The following PC variants were observed in gnomAD, a reference collection of about 807,000 sequenced individuals.
PC encodes the protein pyruvate carboxylase, also known as pyruvate carboxylase, mitochondrial.
Under a neutral mutation model 107.8 loss-of-function variants are expected in PC, and 46 were observed. The observed-to-expected ratio is 0.43, with a 90% CI of 0.34 to 0.55. The LOEUF is 0.55. PC is among the 20% of genes least tolerant of loss of function. The pLI is 0.04. For synonymous variants in PC, 662 were observed against 684.7 expected (o/e 0.97, Z 0.52); for missense variants, 1,241 against 1,643.1 (o/e 0.76, Z 4.23).
chr11:66,849,805 G>A lies in PC; in HGVS notation c.2953C>T (p.Leu985=). ...TCCTTCTCCAGTGCCTGCAGATCCA[G>A]GGGAGGGAGGGAGGCTCCAGGCCGC... is the stretch of plus-strand genomic sequence containing the variant. ...EGRPGASLPP[L]DLQALEKELV... Residue 985 remains leucine (L), a synonymous_variant, in exon 21 of 23, where the codon CTG becomes TTG. Coordinates refer to ENST00000393960, the MANE Select transcript of PC (RefSeq NM_001040716.2). The A allele has an allele frequency of 3.1e-6, 5 of 1,614,042 alleles. No individual in the cohort carries two copies. The highest frequency in any genetic ancestry group is 4.2e-6 in the Non-Finnish European group (5 of 1,180,020).
In PC at chr11:66,852,756, C is replaced by T; in HGVS notation, c.1594G>A (p.Val532Met). The change falls in exon 14 of 23, where the codon GTG becomes ATG. Residue 532 changes from valine (V) to methionine (M), a missense_variant. By Grantham distance (21) the Val-to-Met change is conservative. This residue lies in a region of PC where 1,143 missense variants were observed against 1,551.9 expected (regional missense o/e 0.74). Transcript: ENST00000393960. This position sits in a 1 kb window ranked among gnomAD's most constrained non-coding sequence, Gnocchi z 4.7. ...PSPTDPVVPA[V>M]PIGPPPAGFR... is the part of the protein sequence containing the mutation. ...AATGGATCTCACCTACCTATGGGCA[C>T]TGCAGGGACAACGGGGTCCGTGGGG... 1 of 1,607,798 alleles carries T rather than the reference C, an allele frequency of 6.2e-7. No individual in the cohort carries two copies. The highest frequency in any genetic ancestry group is 1.1e-5 in the South Asian group (1 of 90,682).
At chr11:66,855,237 C>A (rs1033885097) in intron 12 of PC, among the ~76,000 whole-genome samples, 2 of 152,216 alleles carry the variant, frequency 1.3e-5, no homozygotes, top group African/African-American at 4.8e-5. Context: ...GGGGCAGGAA[C>A]CAGGCCCATC....
At chr11:66,915,557 C>G (rs1000420498) in intron 3 of PC, among the ~76,000 whole-genome samples, 2 of 152,220 alleles carry the variant, frequency 1.3e-5, no homozygotes, top group Non-Finnish European at 2.9e-5. Context: ...GCCCCTGGAG[C>G]TGAGGGCCAG....
At chr11:66,897,611 C>T (rs1281270931) in intron 3 of PC, among the ~76,000 whole-genome samples, 6 of 152,150 alleles carry the variant, frequency 3.9e-5, no homozygotes, top group South Asian at 4.2e-4. Context: ...ATACAACATG[C>T]GAAAAGCTAT....
intron 3 of PC, among the ~76,000 whole-genome samples, chr11:66,946,457 C>T (rs1044940167): frequency 3.3e-5 from 5 of 151,910 alleles, no homozygotes; most frequent in South Asian, 2.1e-4. Flanking sequence ...GGTGAAACCC[C>T]GTCTCTACTA....
chr11:66,931,814 G>C (rs999393013), intron 3 of PC, among the ~76,000 whole-genome samples: 4 of 152,088 alleles, frequency 2.6e-5, no homozygotes, highest in Non-Finnish European at 5.9e-5. Flanking sequence ...TCAGGAGATA[G>C]AGACCATCCT....
In PC at chr11:66,870,960, C is replaced by G; in HGVS notation, c.634-68G>C. On this transcript the variant is annotated intron_variant, in intron 7 of 22. Transcript: ENST00000393960. This position sits in a 1 kb window ranked among gnomAD's most constrained non-coding sequence, Gnocchi z 6.1. ...GCGCTACCTCTCCCCTGCCATGAAC[C>G]CCACCCACTTTCCAGATCCCTTGAG... 6.2e-7 allele frequency: 1 copy of G among 1,606,398 alleles called. No homozygotes were observed. Among genetic ancestry groups the G allele is most frequent in the Admixed American group, 1.7e-5 (1 of 60,028 alleles).
At chr11:66,869,334 C>T (rs1261453893) in intron 9 of PC, among the ~76,000 whole-genome samples, 1 of 151,720 alleles carries the variant, frequency 6.6e-6, no homozygotes, top group Non-Finnish European at 1.5e-5. Context: ...CAGGCCTCTC[C>T]CAGCCGCTGC....
chr11:66,942,169 T>C (rs903669672), intron 3 of PC, among the ~76,000 whole-genome samples: 1 of 148,482 alleles, frequency 6.7e-6, no homozygotes, highest in South Asian at 2.1e-4. Flanking sequence ...GAGGCCGAGG[T>C]GGACGGATCA....
intron 3 of PC, among the ~76,000 whole-genome samples, chr11:66,946,035 A>G (rs185635043): frequency 0.037 from 5,574 of 150,242 alleles, 331 homozygotes; most frequent in African/African-American, 0.13. Context: ...GCAGTGAGCC[A>G]AGATTGCGCC....
chr11:66,860,864 A>T, intron 12 of PC, among the ~76,000 whole-genome samples: 1 of 152,108 alleles, frequency 6.6e-6, no homozygotes, highest in East Asian at 1.9e-4. Flanking sequence ...GAGGTGGGGG[A>T]CGGTACAGCC....
At chr11:66,946,005 G>A (rs1421585497) in intron 3 of PC, among the ~76,000 whole-genome samples, 1 of 148,394 alleles carries the variant, frequency 6.7e-6, no homozygotes, top group Admixed American at 6.9e-5. Context: ...AGAATGGCGT[G>A]AACCCGGGAA....
In PC at chr11:66,871,845, C is replaced by T; in HGVS notation, c.163G>A (p.Ala55Thr). Residue 55 changes from alanine to threonine, a missense_variant, in exon 5 of 23, where the codon GCC (alanine) becomes ACC (threonine). Ala to Thr is a moderately conservative substitution (Grantham distance 58). Around this residue, in one of 2 missense-constraint regions of PC, gnomAD observed 1,143 missense variants for 1,551.9 expected, o/e 0.74. Coordinates refer to ENST00000393960, the MANE Select transcript of PC (RefSeq NM_001040716.2). The surrounding 1 kb of genome is among the most constrained non-coding windows in gnomAD (Gnocchi z 7.4). ...GTGCGGATGCCCAGCTCCGTGCAGG[C>T]CCGGAACACACGGATGGCAATCTCA... ...RGEIAIRVFR[A>T]CTELGIRTVA... 2 of 1,608,714 alleles carry T rather than the reference C, an allele frequency of 1.2e-6. No homozygotes were observed. Among genetic ancestry groups the T allele is most frequent in the Non-Finnish European group, 8.5e-7 (1 of 1,179,712 alleles).
In PC at chr11:66,852,754, C is replaced by T; in HGVS notation, c.1596G>A (p.Val532=). ...AGAATGGATCTCACCTACCTATGGG[C>T]ACTGCAGGGACAACGGGGTCCGTGG... ...PSPTDPVVPA[V]PIGPPPAGFR... Residue 532 remains valine, a synonymous_variant, in exon 14 of 23, where the codon GTG becomes GTA. Transcript: ENST00000393960. This position sits in a 1 kb window ranked among gnomAD's most constrained non-coding sequence, Gnocchi z 4.7. 1 of 1,608,520 alleles carries T rather than the reference C, an allele frequency of 6.2e-7. No individual in the cohort carries two copies. Among genetic ancestry groups the T allele is most frequent in the Non-Finnish European group, 8.5e-7 (1 of 1,175,906 alleles).
At chr11:66,925,855 T>C (rs1948703822) in intron 3 of PC, among the ~76,000 whole-genome samples, 1 of 152,214 alleles carries the variant, frequency 6.6e-6, no homozygotes, top group African/African-American at 2.4e-5. Flanking sequence ...CAATTTATGT[T>C]CTTCTGCCAT....
rs1273136917 is a variant in PC, at chr11:66,858,052, T to C, written c.1369-4669A>G. The C allele has an allele frequency of 6.2e-7, 1 of 1,610,482 alleles. No individual in the cohort carries two copies. The highest frequency in any genetic ancestry group is 8.5e-7 in the Non-Finnish European group (1 of 1,178,952). Reference sequence around the variant, plus strand: ...CTCGAGAGCCTGCGTTCCCTCCACCTTGACGGCAACAGGCTGGTGGAGCTG... The same window carrying C: ...CTCGAGAGCCTGCGTTCCCTCCACCCTGACGGCAACAGGCTGGTGGAGCTG... On this transcript the variant is annotated intron_variant, in intron 12 of 22. Coordinates refer to ENST00000393960, the MANE Select transcript of PC (RefSeq NM_001040716.2). This position sits in a 1 kb window ranked among gnomAD's most constrained non-coding sequence, Gnocchi z 5.9.
At chr11:66,957,548 C>T (rs1002719415) in intron 1 of PC, among the ~76,000 whole-genome samples, 1 of 152,026 alleles carries the variant, frequency 6.6e-6, no homozygotes, top group Non-Finnish European at 1.5e-5. Context: ...CCCGGGAGGT[C>T]GAGACTGCAG....
chr11:66,871,750 G>A lies in PC; in HGVS notation c.258C>T (p.Ile86=), dbSNP rs982214658. 10 of 1,591,888 alleles carry A rather than the reference G, an allele frequency of 6.3e-6. No individual in the cohort carries two copies. Among genetic ancestry groups the A allele is most frequent in the African/African-American group, 4.0e-5 (3 of 74,568 alleles). Residue 86 remains isoleucine, a synonymous_variant, in exon 5 of 23, where the codon ATC becomes ATT. Transcript: ENST00000393960. The surrounding 1 kb of genome is among the most constrained non-coding windows in gnomAD (Gnocchi z 7.4). The part of the protein sequence containing the change: ...HRQKADEAYL[I]GRGLAPVQAY... ...CCTGCACGGGGGCCAGGCCGCGGCCGATGAGATAGGCTTCATCTGCTTTCT... is the reference window on the plus strand; with the variant it reads ...CCTGCACGGGGGCCAGGCCGCGGCCAATGAGATAGGCTTCATCTGCTTTCT...
chr11:66,926,001 T>C (rs1027678900), intron 3 of PC, among the ~76,000 whole-genome samples: 2 of 152,094 alleles, frequency 1.3e-5, no homozygotes, highest in Middle Eastern at 6.8e-3. Context: ...AGAAGTTTTT[T>C]AGAAGAAAAT....
Sources: gnomAD v4.1 joint callset for allele counts (sites outside exome capture counted in the v4.1 genomes callset) on GRCh38, gnomAD v4.1.1 for gene constraint, gnomAD v4.1.1 regional missense constraint, Gnocchi (gnomAD v3.1) non-coding constraint, MANE v1.5 for transcripts, NCBI Gene and HGNC (gene_info 2026-07-23, HGNC 2026-07-21) for gene names.